The following ITGBL1 variants were observed in gnomAD, a reference collection of about 807,000 sequenced individuals.
The protein encoded by ITGBL1 is integrin subunit beta like 1.
A neutral mutation model predicts 68.5 loss-of-function variants in ITGBL1; 51 were observed. That is an observed-to-expected ratio of 0.74 (90% CI 0.59 to 0.94). ITGBL1 has a LOEUF of 0.94. Ranked by LOEUF, ITGBL1 falls within the 40% of genes least tolerant of loss-of-function variation. The pLI, the probability that ITGBL1 is intolerant of heterozygous loss-of-function variation, is 0.00. For synonymous variants in ITGBL1, 209 were observed against 227.3 expected (o/e 0.92, Z 0.72); for missense variants, 649 against 647.4 (o/e 1.00, Z -0.03).
intron 2 of ITGBL1, among the ~76,000 whole-genome samples, chr13:101,539,050 C>CTTTTTTTTT (rs35288585): frequency 4.0e-5 from 4 of 99,612 alleles, no homozygotes; most frequent in Non-Finnish European, 5.6e-5. Context: ...TGTGCTGCTT[C>CTTTTTTTTT]TTTTTTTTTT....
intron 7 of ITGBL1, among the ~76,000 whole-genome samples, chr13:101,658,227 A>G (rs1251167120): frequency 2.6e-5 from 4 of 152,244 alleles, no homozygotes; most frequent in Non-Finnish European, 5.9e-5. Flanking sequence ...GGCTACTGGG[A>G]GAATGACCTT....
chr13:101,575,372 T>G (rs972449102), intron 3 of ITGBL1, 52 bp from the exon 4 acceptor site: 1 of 1,532,512 alleles, frequency 6.5e-7, no homozygotes, highest in Non-Finnish European at 9.0e-7. Flanking sequence ...AATTCATTAA[T>G]TATAATTTTA....
At chr13:101,677,244 CATATT>C (rs2033527959) in intron 7 of ITGBL1, among the ~76,000 whole-genome samples, 1 of 152,066 alleles carries the variant, frequency 6.6e-6, no homozygotes, top group African/African-American at 2.4e-5. Flanking sequence ...GAATGAGAAA[CATATT>C]AGGTGTGAAA....
At chr13:101,468,448 T>C (rs1566687770) in intron 2 of ITGBL1, among the ~76,000 whole-genome samples, 1 of 152,312 alleles carries the variant, frequency 6.6e-6, no homozygotes, top group East Asian at 1.9e-4. Context: ...TAATAACTTT[T>C]AAGAGATAGT....
At chr13:101,703,731 C>A (rs2034187939) in intron 8 of ITGBL1, among the ~76,000 whole-genome samples, 1 of 152,072 alleles carries the variant, frequency 6.6e-6, no homozygotes, top group African/African-American at 2.4e-5. Context: ...GAAAGGATAG[C>A]TGTTACATTA....
chr13:101,668,733 TA>T (rs1450621418), intron 7 of ITGBL1, among the ~76,000 whole-genome samples: 2 of 152,214 alleles, frequency 1.3e-5, no homozygotes, highest in Non-Finnish European at 2.9e-5. Flanking sequence ...TTTCAGATGT[TA>T]AAATTATGTT....
At chr13:101,479,664 A>T (rs1208745002) in intron 2 of ITGBL1, among the ~76,000 whole-genome samples, 1 of 152,060 alleles carries the variant, frequency 6.6e-6, no homozygotes, top group Non-Finnish European at 1.5e-5. Flanking sequence ...CTGAATGGAT[A>T]TTTTTTGAAG....
At chr13:101,474,287 T>C (rs1405130648) in intron 2 of ITGBL1, among the ~76,000 whole-genome samples, 1 of 151,966 alleles carries the variant, frequency 6.6e-6, no homozygotes, top group Non-Finnish European at 1.5e-5. Flanking sequence ...TGAACATTGG[T>C]ACCAAGCCTG....
chr13:101,681,953 T>A (rs1463127811), intron 7 of ITGBL1, among the ~76,000 whole-genome samples: 3 of 152,164 alleles, frequency 2.0e-5, no homozygotes, highest in African/African-American at 4.8e-5. Flanking sequence ...AATGTCAAAC[T>A]TCACAATTTC....
intron 7 of ITGBL1, among the ~76,000 whole-genome samples, chr13:101,631,903 T>C (rs552399589): frequency 6.6e-6 from 1 of 152,264 alleles, no homozygotes; most frequent in African/African-American, 2.4e-5. Context: ...AATGGACCTC[T>C]TCCACACAGT....
intron 2 of ITGBL1, among the ~76,000 whole-genome samples, chr13:101,504,912 A>G (rs2049003109): frequency 6.6e-6 from 1 of 152,216 alleles, no homozygotes; most frequent in Non-Finnish European, 1.5e-5. Flanking sequence ...AAAAACCAGC[A>G]TCACACAGCC....
intron 7 of ITGBL1, among the ~76,000 whole-genome samples, chr13:101,643,642 T>A (rs1465118921): frequency 1.3e-5 from 2 of 152,098 alleles, no homozygotes; most frequent in African/African-American, 4.8e-5. Context: ...ATGTAATCTT[T>A]AGTCACCAGT....
rs189274549 is a variant in ITGBL1, at chr13:101,543,880, T to C, written c.317-23819T>C. 9.8e-5 allele frequency among the ~76,000 whole-genome samples: 15 copies of C among 152,364 alleles called. No individual in the cohort carries two copies. The East Asian group carries it at 2.9e-3, about 29-fold the overall frequency. ...GGCTTGTGCATTTGTCACGTAGTTC[T>C]CGTGCCTTGGTTTTCAGCTCCATCG... is the stretch of plus-strand genomic sequence containing the variant. On this transcript the variant is annotated intron_variant, in intron 2 of 10. Coordinates refer to ENST00000376180, the MANE Select transcript of ITGBL1 (RefSeq NM_004791.3).
intron 6 of ITGBL1, among the ~76,000 whole-genome samples, chr13:101,591,283 A>G (rs2050650014): frequency 6.6e-6 from 1 of 152,216 alleles, no homozygotes; most frequent in Admixed American, 6.5e-5. Flanking sequence ...TAATAAGCAT[A>G]AACCGTTACA....
intron 7 of ITGBL1, among the ~76,000 whole-genome samples, chr13:101,666,639 G>A (rs2033226087): frequency 1.3e-5 from 2 of 151,936 alleles, no homozygotes; most frequent in African/African-American, 4.8e-5. Context: ...TTGGTTACAT[G>A]TGTCTAATGA....
chr13:101,593,572 G>A (rs1230825736), intron 6 of ITGBL1, among the ~76,000 whole-genome samples: 1 of 151,922 alleles, frequency 6.6e-6, no homozygotes, highest in African/African-American at 2.4e-5. Flanking sequence ...TATACACAAT[G>A]GATAATTCTG....
At chr13:101,690,907 T>TA (rs35497416) in intron 7 of ITGBL1, among the ~76,000 whole-genome samples, 55,163 of 151,926 alleles carry the variant, frequency 0.36, 10,096 homozygotes, top group East Asian at 0.43. Context: ...TTAAAAGGGA[T>TA]AAAAAATATT....
chr13:101,637,434 C>A (rs2032209799), intron 7 of ITGBL1, among the ~76,000 whole-genome samples: 1 of 151,124 alleles, frequency 6.6e-6, no homozygotes, highest in Non-Finnish European at 1.5e-5. Context: ...ACCACCGCCT[C>A]CTGGGTTCAA....
intron 2 of ITGBL1, among the ~76,000 whole-genome samples, chr13:101,519,890 A>G (rs1248980006): frequency 6.6e-6 from 1 of 152,154 alleles, no homozygotes; most frequent in Non-Finnish European, 1.5e-5. Flanking sequence ...TTTCTACATC[A>G]GTGTCTCATG....
Sources: allele counts gnomAD v4.1 joint callset (sites outside exome capture counted in the v4.1 genomes callset), GRCh38; gene constraint gnomAD v4.1.1; transcripts MANE v1.5; gene names NCBI Gene and HGNC (gene_info 2026-07-23, HGNC 2026-07-21).